Variants in NSD2 observed in about 807,000 individuals in gnomAD.
NSD2 encodes histone-lysine N-methyltransferase NSD2.
A neutral mutation model predicts 139.0 loss-of-function variants in NSD2; 12 were observed. That is an observed-to-expected ratio of 0.09 (90% CI 0.06 to 0.14). The LOEUF is 0.14. Ranked by LOEUF, NSD2 falls within the 10% of genes least tolerant of loss-of-function variation. NSD2 has a pLI of 1.00. For synonymous variants in NSD2, 669 were observed against 648.7 expected, an observed-to-expected ratio of 1.03 and a Z score of -0.48; for missense variants, 1,155 against 1,745.0, an observed-to-expected ratio of 0.66 and a Z score of 6.02.
intron 1 of NSD2, among the ~76,000 whole-genome samples, chr4:1,875,706 T>A (rs1053863233): frequency 3.3e-5 from 5 of 149,982 alleles, no homozygotes; most frequent in Non-Finnish European, 5.9e-5. Flanking sequence ...GTCGAGACCA[T>A]CCTGGCTAAC....
intron 1 of NSD2, among the ~76,000 whole-genome samples, chr4:1,876,644 T>G (rs527692395): frequency 9.2e-5 from 14 of 152,114 alleles, no homozygotes; most frequent in African/African-American, 3.4e-4. Context: ...TGAGCTGTGA[T>G]CATACCACCA....
At chr4:1,876,093 A>G (rs773005750) in intron 1 of NSD2, among the ~76,000 whole-genome samples, 6 of 151,478 alleles carry the variant, frequency 4.0e-5, no homozygotes, top group Non-Finnish European at 8.8e-5. Flanking sequence ...CAGTGCCTGT[A>G]GTCCCAGCTA....
In NSD2 at chr4:1,958,652, C is replaced by A. The variant is rs1402785751; in HGVS notation, c.2985+616C>A. Among the ~76,000 whole-genome samples the A allele has an allele frequency of 6.6e-6, 1 of 152,252 alleles. No individual in the cohort carries two copies. Among genetic ancestry groups the A allele is most frequent in the Non-Finnish European group, 1.5e-5 (1 of 68,050 alleles). On this transcript the variant is annotated intron_variant, in intron 16 of 21. Coordinates refer to ENST00000508803, the MANE Select transcript of NSD2 (RefSeq NM_001042424.3). The surrounding 1 kb of genome is among the most constrained non-coding windows in gnomAD (Gnocchi z 4.6). ...AAGTGTGTGCCGGAGGTCAGGTGCT[C>A]TGCCTTTGCTTGTAAAATGTGGGCT...
intron 12 of NSD2, 27 bp downstream of exon 12, chr4:1,953,551 T>A: frequency 6.3e-7 from 1 of 1,578,430 alleles, no homozygotes; most frequent in Middle Eastern, 1.7e-4. Flanking sequence ...GCAGCCTTGC[T>A]GTGGGTTCAG....
At chr4:1,922,445 A>G (rs1164621221) in intron 5 of NSD2, among the ~76,000 whole-genome samples, 1 of 152,248 alleles carries the variant, frequency 6.6e-6, no homozygotes, top group Non-Finnish European at 1.5e-5. Flanking sequence ...GTATTTATAT[A>G]TAGGAAGATT....
intron 1 of NSD2, among the ~76,000 whole-genome samples, chr4:1,872,581 TGTGTGTGTGTGAGAGAGAGAGA>T (rs1205632652): frequency 8.9e-4 from 59 of 66,298 alleles, no homozygotes; most frequent in African/African-American, 2.8e-3. Flanking sequence ...TGTGTGTGTG[TGTGTGTGTGTGAGAGAGAGAGA>T]GAGAGAGAGA....
intron 1 of NSD2, among the ~76,000 whole-genome samples, chr4:1,874,962 A>C (rs1714140237): frequency 6.6e-6 from 1 of 152,082 alleles, no homozygotes; most frequent in Non-Finnish European, 1.5e-5. Context: ...TATTGGTTGC[A>C]ATATTGCTCT....
At chr4:1,920,384 A>G (rs1170452276) in intron 5 of NSD2, among the ~76,000 whole-genome samples, 1 of 152,162 alleles carries the variant, frequency 6.6e-6, no homozygotes, top group Non-Finnish European at 1.5e-5. Context: ...GGGAGGCCAC[A>G]GTGAGCTGAA....
intron 1 of NSD2, among the ~76,000 whole-genome samples, chr4:1,872,564 T>TTGTGTGTGTGTG (rs752377919): frequency 3.6e-4 from 36 of 101,154 alleles, no homozygotes; most frequent in African/African-American, 8.9e-4. Flanking sequence ...AACGTGTATT[T>TTGTGTGTGTGTG]TGTGTGTGTG....
At chr4:1,916,350 C>CT (rs1452024365) in intron 3 of NSD2, among the ~76,000 whole-genome samples, 2 of 151,654 alleles carry the variant, frequency 1.3e-5, no homozygotes, top group African/African-American at 2.4e-5. Context: ...TTTTTCCTTT[C>CT]TTTTTTTGTT....
Position 1,952,435 on chromosome 4 carries a change from G to A in NSD2, c.2137+204G>A, listed in dbSNP as rs933210129. On this transcript the variant is annotated intron_variant, in intron 11 of 21. Coordinates refer to ENST00000508803, the MANE Select transcript of NSD2 (RefSeq NM_001042424.3). ...TGCAGGGTTTGCTCTGATTTCAGTC[G>A]TATGTGCCCCCTTGGTACCTTTCCA... Among the ~76,000 whole-genome samples the A allele has an allele frequency of 3.3e-5, 5 of 152,168 alleles. No homozygotes were observed. In the East Asian group the frequency reaches 7.7e-4, roughly 23 times the overall value.
At chr4:1,879,265 C>T (rs1433958724) in intron 1 of NSD2, among the ~76,000 whole-genome samples, 1 of 152,132 alleles carries the variant, frequency 6.6e-6, no homozygotes, top group African/African-American at 2.4e-5. Context: ...GTCACCCAGG[C>T]TGGAGTGCAG....
intron 1 of NSD2, among the ~76,000 whole-genome samples, chr4:1,897,826 C>T (rs1210135466): frequency 6.6e-6 from 1 of 151,994 alleles, no homozygotes; most frequent in Admixed American, 6.6e-5. Context: ...GTGGTTTCAC[C>T]ATGTTGGCCA....
Position 1,904,308 on chromosome 4 carries a change from G to A in NSD2, c.690G>A (p.Val230=), listed in dbSNP as rs1577398968. ...YNVGDLVWSK[V]SGYPWWPCMV... is the part of the protein sequence containing the mutation. ...TTGGTGATTTGGTGTGGTCCAAAGTGTCGGGTTACCCTTGGTGGCCTTGCA... is the reference window on the plus strand; with the variant it reads ...TTGGTGATTTGGTGTGGTCCAAAGTATCGGGTTACCCTTGGTGGCCTTGCA... Residue 230 remains valine (V), a synonymous_variant, in exon 3 of 22, where the codon GTG becomes GTA. Coordinates refer to ENST00000508803, the MANE Select transcript of NSD2 (RefSeq NM_001042424.3). 1 of 1,614,184 alleles carries A rather than the reference G, an allele frequency of 6.2e-7. No homozygotes were observed. Among genetic ancestry groups the A allele is most frequent in the Non-Finnish European group, 8.5e-7 (1 of 1,180,016 alleles).
intron 5 of NSD2, among the ~76,000 whole-genome samples, chr4:1,920,972 A>G (rs1720040733): frequency 1.3e-5 from 2 of 152,188 alleles, no homozygotes; most frequent in Admixed American, 1.3e-4. Context: ...CAGAAGTTTA[A>G]GGCTGTGGTG....
chr4:1,945,623 T>A, intron 9 of NSD2: 1 of 1,064,472 alleles, frequency 9.4e-7, no homozygotes, highest in Non-Finnish European at 1.1e-6. Flanking sequence ...GAGCTGGGCT[T>A]CTGTCCTCCT....
At chr4:1,874,228 C>A (rs558558556) in intron 1 of NSD2, among the ~76,000 whole-genome samples, 1 of 152,152 alleles carries the variant, frequency 6.6e-6, no homozygotes, top group Admixed American at 6.6e-5. Flanking sequence ...GCATTTTAGT[C>A]TTCTGAGCCT....
chr4:1,978,473 C>G (rs1423247373), intron 21 of NSD2, among the ~76,000 whole-genome samples, 165 bp from the exon 22 acceptor site: 1 of 152,180 alleles, frequency 6.6e-6, no homozygotes, highest in Non-Finnish European at 1.5e-5. Context: ...TGCCAGGGAG[C>G]CCGCCCGGGC....
chr4:1,949,038 TG>T (rs1560738315), intron 9 of NSD2, among the ~76,000 whole-genome samples: 1 of 152,184 alleles, frequency 6.6e-6, no homozygotes, highest in East Asian at 1.9e-4. Context: ...ACTCTCTGAG[TG>T]GGGCCCCAGA....
Sources: allele counts gnomAD v4.1 joint callset (sites outside exome capture counted in the v4.1 genomes callset), GRCh38; gene constraint gnomAD v4.1.1; non-coding constraint Gnocchi (gnomAD v3.1); transcripts MANE v1.5; gene names NCBI Gene and HGNC (gene_info 2026-07-23, HGNC 2026-07-21).